Variants in ABTB2 observed in about 807,000 individuals in gnomAD.
ABTB2 encodes the protein ankyrin repeat and BTB/POZ domain-containing protein 2.
ABTB2 carries 56 observed loss-of-function variants against 104.1 expected under a neutral mutation model. The ratio of observed to expected loss-of-function variants is 0.54; its 90% confidence interval spans 0.43 to 0.67. ABTB2 has a LOEUF of 0.67. Among genes scored for constraint, ABTB2 ranks in the 30% least tolerant of loss-of-function variants. ABTB2 has a pLI of 0.00. For synonymous variants in ABTB2, 606 were observed against 608.2 expected (o/e 1.00, Z 0.05); for missense variants, 1,279 against 1,407.7 (o/e 0.91, Z 1.46).
Position 34,175,581 on chromosome 11 carries a change from G to C in ABTB2, c.1245-2274C>G, listed in dbSNP as rs185276205. Among the ~76,000 whole-genome samples, 4 of 152,338 alleles carry C rather than the reference G, an allele frequency of 2.6e-5. No individual in the cohort carries two copies. In the East Asian group the frequency reaches 7.7e-4, roughly 29 times the overall value. ...GTAAGTTGCACCATCATAAGTTAGG[G>C]ATTTTCTGTAATCAGAAGTGATCTT... On this transcript the variant is annotated intron_variant, in intron 3 of 16. Transcript: ENST00000435224.
chr11:34,261,439 T>A (rs1303697201), intron 1 of ABTB2, among the ~76,000 whole-genome samples: 1 of 152,008 alleles, frequency 6.6e-6, no homozygotes, highest in South Asian at 2.1e-4. Flanking sequence ...CTTATAGAAA[T>A]CCTCCTATTT....
At chr11:34,193,985 A>C (rs1222750837) in intron 3 of ABTB2, among the ~76,000 whole-genome samples, 1 of 152,178 alleles carries the variant, frequency 6.6e-6, no homozygotes, top group African/African-American at 2.4e-5. Context: ...AGTCCCCACC[A>C]AACACTGCAG....
intron 1 of ABTB2, among the ~76,000 whole-genome samples, chr11:34,334,364 A>G (rs1855167808): frequency 6.6e-6 from 1 of 152,112 alleles, no homozygotes; most frequent in African/African-American, 2.4e-5. Context: ...TGGAAGAGAA[A>G]ACTCACTTCT....
intron 3 of ABTB2, among the ~76,000 whole-genome samples, chr11:34,196,055 T>C (rs1469435069): frequency 6.6e-6 from 1 of 152,170 alleles, no homozygotes; most frequent in Non-Finnish European, 1.5e-5. Flanking sequence ...CTTCCTAAAC[T>C]GAGTGCAAGC....
At chr11:34,191,244 G>A (rs376324288) in intron 3 of ABTB2, among the ~76,000 whole-genome samples, 2 of 152,170 alleles carry the variant, frequency 1.3e-5, no homozygotes, top group South Asian at 4.1e-4. Context: ...ATTCCAGCCT[G>A]GGTGACAGAG....
At chr11:34,153,083 A>G (rs1852570402) in intron 16 of ABTB2, among the ~76,000 whole-genome samples, 1 of 148,032 alleles carries the variant, frequency 6.8e-6, no homozygotes, top group Admixed American at 6.6e-5. Flanking sequence ...AAGACTGTGA[A>G]GGAGGTAAAG....
chr11:34,270,380 C>A lies in ABTB2; in HGVS notation c.884-65690G>T, dbSNP rs139632138. 2.5e-3 allele frequency among the ~76,000 whole-genome samples: 376 copies of A among 148,734 alleles called. 1 individual carries two copies. Among genetic ancestry groups the A allele is most frequent in the African/African-American group, 8.9e-3 (361 of 40,340 alleles). ...TTTGAGATGGAGTCTCATTCTGTTG[C>A]CCAGGCTGGAGTGCAGTGTCACGAT... On this transcript the variant is annotated intron_variant, in intron 1 of 16. Coordinates refer to ENST00000435224, the MANE Select transcript of ABTB2 (RefSeq NM_145804.3).
intron 1 of ABTB2, among the ~76,000 whole-genome samples, chr11:34,280,158 T>C (rs554792847): frequency 2.1e-4 from 32 of 152,194 alleles, no homozygotes; most frequent in African/African-American, 7.7e-4. Context: ...GATGAGAACA[T>C]TGAGTCACAA....
chr11:34,163,347 A>C (rs1045044787), intron 9 of ABTB2, among the ~76,000 whole-genome samples: 1 of 152,204 alleles, frequency 6.6e-6, no homozygotes, highest in African/African-American at 2.4e-5. Flanking sequence ...GACGGATGTC[A>C]TGTAGAATGT....
chr11:34,214,771 A>G (rs550619012), intron 1 of ABTB2, among the ~76,000 whole-genome samples: 1 of 152,274 alleles, frequency 6.6e-6, no homozygotes, highest in South Asian at 2.1e-4. Flanking sequence ...GTATACTTTT[A>G]GATGATTCTT....
chr11:34,232,006 A>T (rs963488092), intron 1 of ABTB2, among the ~76,000 whole-genome samples: 1 of 152,210 alleles, frequency 6.6e-6, no homozygotes, highest in Non-Finnish European at 1.5e-5. Flanking sequence ...TAAATATGGC[A>T]TGGGTTCCTG....
chr11:34,266,459 CG>C (rs1357758207), intron 1 of ABTB2, among the ~76,000 whole-genome samples: 3 of 152,126 alleles, frequency 2.0e-5, no homozygotes, highest in African/African-American at 7.2e-5. Flanking sequence ...CAGAGCTGGC[CG>C]ATCAGACCAA....
At chr11:34,287,368 G>A (rs1277549269) in intron 1 of ABTB2, among the ~76,000 whole-genome samples, 5 of 151,976 alleles carry the variant, frequency 3.3e-5, no homozygotes, top group African/African-American at 4.8e-5. Flanking sequence ...AGACCAGCCC[G>A]GCCAACATGG....
In ABTB2 at chr11:34,167,154, C is replaced by T. The variant is rs528695076; in HGVS notation, c.1755+105G>A. On this transcript the variant is annotated intron_variant, in intron 7 of 16. Transcript: ENST00000435224. ...TGGCCTCAAGCAGTGCCTTTGGGAT[C>T]TCTGATTCAGGGCACCTGCCCACTC... is the stretch of plus-strand genomic sequence containing the variant. 5.5e-4 allele frequency: 601 copies of T among 1,085,574 alleles called. 6 individuals carry two copies. In the South Asian group the frequency reaches 7.5e-3, roughly 14 times the overall value. The allele number at this position is 1,085,574 out of a possible 1,614,324, so 67.2% of individuals were successfully genotyped here. A position where few individuals can be genotyped will look rare whatever the true frequency, so the allele number is the denominator to read the frequency against.
chr11:34,277,799 CTTTT>C (rs1163442976), intron 1 of ABTB2, among the ~76,000 whole-genome samples: 17 of 120,720 alleles, frequency 1.4e-4, no homozygotes, highest in African/African-American at 2.5e-4. Context: ...AACAGATTCT[CTTTT>C]TTTTTTTTTT....
At chr11:34,305,447 G>A (rs1029650600) in intron 1 of ABTB2, among the ~76,000 whole-genome samples, 6 of 152,192 alleles carry the variant, frequency 3.9e-5, no homozygotes, top group Admixed American at 1.3e-4. Context: ...CACCACATGG[G>A]CCTCCCAACA....
chr11:34,257,731 G>A (rs376547344), intron 1 of ABTB2, among the ~76,000 whole-genome samples: 13 of 152,142 alleles, frequency 8.5e-5, no homozygotes, highest in African/African-American at 2.4e-4. Flanking sequence ...GGGGCTACAG[G>A]CGTACACCAC....
chr11:34,244,630 A>G (rs949112153), intron 1 of ABTB2, among the ~76,000 whole-genome samples: 18 of 152,126 alleles, frequency 1.2e-4, no homozygotes, highest in Non-Finnish European at 2.6e-4. Flanking sequence ...TGTTCTAAAT[A>G]TTCACTCTCC....
chr11:34,310,286 C>G (rs955598077), intron 1 of ABTB2, among the ~76,000 whole-genome samples: 2 of 152,176 alleles, frequency 1.3e-5, no homozygotes, highest in Non-Finnish European at 2.9e-5. Flanking sequence ...AAACTTGGCC[C>G]CTGTCCTGTG....
Sources: gnomAD v4.1 joint callset for allele counts (sites outside exome capture counted in the v4.1 genomes callset) on GRCh38, gnomAD v4.1.1 for gene constraint, MANE v1.5 for transcripts, NCBI Gene and HGNC (gene_info 2026-07-23, HGNC 2026-07-21) for gene names.